SLC4A8: variants seen among roughly 807,000 people sequenced by gnomAD.
SLC4A8 encodes solute carrier family 4 member 8.
A neutral mutation model predicts 125.0 loss-of-function variants in SLC4A8; 40 were observed. The ratio of observed to expected loss-of-function variants is 0.32; its 90% CI spans 0.25 to 0.42. The LOEUF (loss-of-function observed/expected upper bound fraction) is 0.42, where lower values mean the gene tolerates loss of function less well. SLC4A8 is among the 10% of genes least tolerant of loss of function. The pLI, the probability that SLC4A8 is intolerant of heterozygous loss-of-function variation, is 1.00. For synonymous variants in SLC4A8, 456 were observed against 476.0 expected, an observed-to-expected ratio of 0.96 and a Z score of 0.55; for missense variants, 863 against 1,355.1, an observed-to-expected ratio of 0.64 and a Z score of 5.70.
At chr12:51,466,535 CTTAAA>C (rs3028936) in intron 11 of SLC4A8, 60,508 of 151,398 alleles carry the variant, frequency 0.4, 12,432 homozygotes, top group Non-Finnish European at 0.45. Context: ...TTGCATCAAA[CTTAAA>C]TTAAACTCAT....
At chr12:51,409,106 C>G (rs138881976) in intron 1 of SLC4A8, among the ~76,000 whole-genome samples, 3 of 152,122 alleles carry the variant, frequency 2.0e-5, no homozygotes, top group Non-Finnish European at 4.4e-5. Context: ...CTGACTGCAG[C>G]TTTGCCCTCC....
intron 1 of SLC4A8, among the ~76,000 whole-genome samples, chr12:51,440,337 C>T (rs748405073): frequency 2.2e-4 from 34 of 151,890 alleles, no homozygotes; most frequent in Admixed American, 2.0e-3. Flanking sequence ...ATTGTTTGAG[C>T]CCAGGAGTTC....
At chr12:51,480,836 T>C (rs781335359) in intron 16 of SLC4A8, among the ~76,000 whole-genome samples, 22 of 152,252 alleles carry the variant, frequency 1.4e-4, no homozygotes, top group Non-Finnish European at 2.8e-4. Context: ...GCTGTTTCTC[T>C]GTCGCTCACT....
intron 24 of SLC4A8, 115 bp downstream of exon 24, chr12:51,506,045 C>A (rs142610025): frequency 3.2e-4 from 197 of 610,098 alleles, no homozygotes; most frequent in African/African-American, 2.7e-3. Context: ...AATAGCACTT[C>A]CAGGAACTGC....
At chr12:51,480,817 A>G (rs1951008296) in intron 16 of SLC4A8, among the ~76,000 whole-genome samples, 2 of 152,200 alleles carry the variant, frequency 1.3e-5, no homozygotes, top group African/African-American at 4.8e-5. Context: ...CCTACAATAG[A>G]ATGTGCCTGC....
At chr12:51,491,490 C>T (rs1390549136) in intron 19 of SLC4A8, among the ~76,000 whole-genome samples, 3 of 152,046 alleles carry the variant, frequency 2.0e-5, no homozygotes, top group Non-Finnish European at 4.4e-5. Context: ...TGGGTAGACA[C>T]GTCTTGGAAA....
intron 1 of SLC4A8, among the ~76,000 whole-genome samples, chr12:51,427,114 A>G (rs547667168): frequency 6.6e-6 from 1 of 151,574 alleles, no homozygotes; most frequent in African/African-American, 2.4e-5. Context: ...AATTTTTTGT[A>G]TTTTTAGTAG....
intron 1 of SLC4A8, among the ~76,000 whole-genome samples, chr12:51,410,536 C>A (rs1384929829): frequency 6.6e-6 from 1 of 150,920 alleles, no homozygotes; most frequent in East Asian, 2.0e-4. Flanking sequence ...TCGCTCACTG[C>A]AATCTCTGCC....
At chr12:51,422,680 A>G (rs2138009447), upstream of SLC4A8, among the ~76,000 whole-genome samples, 1 of 152,224 alleles carries the variant, frequency 6.6e-6, no homozygotes. Context: ...CTCTATCACA[A>G]CTATTACCTC....
chr12:51,412,695 C>T (rs1259406120), intron 1 of SLC4A8, among the ~76,000 whole-genome samples: 1 of 152,154 alleles, frequency 6.6e-6, no homozygotes, highest in Non-Finnish European at 1.5e-5. Context: ...TCTTTCTGTA[C>T]CTGGCTTATT....
intron 1 of SLC4A8, among the ~76,000 whole-genome samples, chr12:51,417,650 T>C (rs1292530097): frequency 6.6e-6 from 1 of 152,208 alleles, no homozygotes; most frequent in African/African-American, 2.4e-5. Flanking sequence ...CCCGAGTGGC[T>C]GGGACTACAG....
chr12:51,433,556 C>T (rs1949265025), intron 1 of SLC4A8, among the ~76,000 whole-genome samples: 1 of 152,140 alleles, frequency 6.6e-6, no homozygotes, highest in Non-Finnish European at 1.5e-5. Context: ...CCCACAGATC[C>T]TCTGAAGCCC....
In SLC4A8 at chr12:51,512,959, G is replaced by T. The variant is rs570369091; in HGVS notation, c.*5521G>T. ...CCACATTTGCTTGGGCCAGGGAAGTGGTGCACCTCTTTTATAACAATGGGA... is the reference window on the plus strand; with the variant it reads ...CCACATTTGCTTGGGCCAGGGAAGTTGTGCACCTCTTTTATAACAATGGGA... On this transcript the variant is annotated 3_prime_UTR_variant, in exon 25 of 25. Transcript: ENST00000453097. The T allele has an allele frequency of 1.3e-5, 2 of 152,294 alleles. No individual in the cohort carries two copies. The highest frequency in any genetic ancestry group is 4.8e-5 in the African/African-American group (2 of 41,534). 9.4% of individuals were successfully genotyped at this position (152,294 alleles called of 1,614,324 possible).
intron 1 of SLC4A8, among the ~76,000 whole-genome samples, chr12:51,400,781 TAC>T (rs1231064276): frequency 0.011 from 77 of 6,984 alleles, 8 homozygotes; most frequent in Non-Finnish European, 0.013. Flanking sequence ...TATATATACA[TAC>T]ATACACACAC....
intron 23 of SLC4A8, 44 bp downstream of exon 23, chr12:51,504,164 C>G (rs998887136): frequency 2.5e-6 from 3 of 1,181,842 alleles, no homozygotes; most frequent in Admixed American, 4.0e-5. Context: ...GGGTTATTCT[C>G]TAAGTGTTCT....
At chr12:51,447,803 G>A (rs1213860029) in intron 2 of SLC4A8, among the ~76,000 whole-genome samples, 4 of 143,436 alleles carry the variant, frequency 2.8e-5, no homozygotes, top group South Asian at 2.3e-4. Flanking sequence ...TGCAACCTCC[G>A]CCGCCCAGGT....
intron 10 of SLC4A8, 22 bp from the exon 11 acceptor site, chr12:51,463,592 T>A (rs1950420031): frequency 6.4e-7 from 1 of 1,558,090 alleles, no homozygotes; most frequent in African/African-American, 1.4e-5. Context: ...CCTTTACTAA[T>A]TTTGTGGTCT....
At chr12:51,479,834 T>C (rs1950968512) in intron 16 of SLC4A8, among the ~76,000 whole-genome samples, 1 of 152,136 alleles carries the variant, frequency 6.6e-6, no homozygotes, top group Admixed American at 6.5e-5. Flanking sequence ...TGTTACTTAA[T>C]TTCATTAAAT....
chr12:51,470,192 T>C (rs1950650627), intron 12 of SLC4A8, among the ~76,000 whole-genome samples, 200 bp from the exon 13 acceptor site: 1 of 152,188 alleles, frequency 6.6e-6, no homozygotes. Context: ...CATGTGTCAA[T>C]GGAGCTGGGC....
Sources: allele counts gnomAD v4.1 joint callset (sites outside exome capture counted in the v4.1 genomes callset), GRCh38; gene constraint gnomAD v4.1.1; transcripts MANE v1.5; gene names NCBI Gene and HGNC (gene_info 2026-07-23, HGNC 2026-07-21).